Variants in NUCKS1 observed in about 807,000 individuals in gnomAD.
NUCKS1 encodes the protein nuclear ubiquitous casein and cyclin-dependent kinase substrate 1.
Under a neutral mutation model 33.0 loss-of-function variants are expected in NUCKS1, and 2 were observed. That is an observed-to-expected ratio of 0.06 (90% CI 0.02 to 0.19). The LOEUF (loss-of-function observed/expected upper bound fraction) is 0.19, where lower values mean the gene tolerates loss of function less well. Among genes scored for constraint, NUCKS1 ranks in the 10% least tolerant of loss-of-function variants. The probability of loss-of-function intolerance (pLI) is 1.00; values close to 1 mark genes in which losing one functional copy is unlikely to be tolerated. For missense variants in NUCKS1, 201 were observed against 293.6 expected (o/e 0.68, Z 2.31); for synonymous variants, 106 against 102.8 (o/e 1.03, Z -0.19).
intron 1 of NUCKS1, among the ~76,000 whole-genome samples, chr1:205,741,514 G>A (rs374062600): frequency 6.6e-6 from 1 of 152,076 alleles, no homozygotes; most frequent in African/African-American, 2.4e-5. Flanking sequence ...AGAGTCCCAT[G>A]GTCTTGGAAA....
intron 1 of NUCKS1, among the ~76,000 whole-genome samples, chr1:205,743,230 T>G (rs139138866): frequency 1.4e-3 from 211 of 152,346 alleles, no homozygotes; most frequent in African/African-American, 4.9e-3. Flanking sequence ...ATTAGCTTTC[T>G]TTCTTAACTA....
At chr1:205,748,019 C>T (rs1170888161) in intron 1 of NUCKS1, among the ~76,000 whole-genome samples, 2 of 149,664 alleles carry the variant, frequency 1.3e-5, no homozygotes, top group Non-Finnish European at 3.0e-5. Context: ...CAGCCCACAA[C>T]ATATTAACTT....
chr1:205,725,589 A>G (rs1328281970), intron 3 of NUCKS1, among the ~76,000 whole-genome samples: 1 of 152,226 alleles, frequency 6.6e-6, no homozygotes, highest in African/African-American at 2.4e-5. Context: ...CAGCTCTTTT[A>G]TCGAGTTTAT....
chr1:205,745,126 T>C (rs900470304), intron 1 of NUCKS1, among the ~76,000 whole-genome samples: 2 of 152,250 alleles, frequency 1.3e-5, no homozygotes, highest in African/African-American at 2.4e-5. Context: ...AATCAAATAC[T>C]GTATATACAA....
At chr1:205,733,998 T>G (rs1653977597) in intron 1 of NUCKS1, among the ~76,000 whole-genome samples, 1 of 152,086 alleles carries the variant, frequency 6.6e-6, no homozygotes, top group Admixed American at 6.6e-5. Flanking sequence ...CCTTAGCTTG[T>G]GGAACTACAG....
chr1:205,740,018 T>TTTTTTG (rs1553252840), intron 1 of NUCKS1, among the ~76,000 whole-genome samples: 1 of 146,198 alleles, frequency 6.8e-6, no homozygotes, highest in African/African-American at 2.5e-5. Flanking sequence ...TTTTTTTTTT[T>TTTTTTG]GAGAGACAGT....
intron 1 of NUCKS1, among the ~76,000 whole-genome samples, chr1:205,745,407 T>A (rs2102450009): frequency 6.6e-6 from 1 of 152,226 alleles, no homozygotes; most frequent in South Asian, 2.1e-4. Context: ...GAGGATCACC[T>A]GAGCCTGAAA....
chr1:205,742,088 C>T (rs956801986), intron 1 of NUCKS1, among the ~76,000 whole-genome samples: 2 of 152,190 alleles, frequency 1.3e-5, no homozygotes, highest in African/African-American at 4.8e-5. Flanking sequence ...TATGTTATCC[C>T]AGTGTAAGAG....
At chr1:205,721,924 T>C (rs1671925269) in intron 4 of NUCKS1, among the ~76,000 whole-genome samples, 1 of 152,148 alleles carries the variant, frequency 6.6e-6, no homozygotes, top group Admixed American at 6.5e-5. Flanking sequence ...TCCACCCTCC[T>C]TGGCCTCCCA....
chr1:205,719,782 AAC>A, intron 5 of NUCKS1, 106 bp from the exon 6 acceptor site: 2 of 1,213,902 alleles, frequency 1.6e-6, no homozygotes, highest in Non-Finnish European at 2.3e-6. Flanking sequence ...TTGGGAGTCA[AAC>A]ACCCTTGGAT....
At chr1:205,746,486 C>G (rs1272659427) in intron 1 of NUCKS1, among the ~76,000 whole-genome samples, 1 of 124,244 alleles carries the variant, frequency 8.0e-6, no homozygotes, top group Non-Finnish European at 1.9e-5. Context: ...CACACACACA[C>G]ACTAGAGAAT....
intron 1 of NUCKS1, among the ~76,000 whole-genome samples, chr1:205,735,253 T>A (rs1458955439): frequency 6.6e-6 from 1 of 152,236 alleles, no homozygotes; most frequent in Non-Finnish European, 1.5e-5. Flanking sequence ...TATGTTTAGA[T>A]ATATAAATAC....
intron 1 of NUCKS1, among the ~76,000 whole-genome samples, chr1:205,739,765 A>AT (rs534193180): frequency 4.8e-4 from 73 of 151,808 alleles, no homozygotes; most frequent in African/African-American, 1.7e-3. Flanking sequence ...GATTTTGTTT[A>AT]TTTTTTGTAG....
rs776865928 is a variant in NUCKS1, at chr1:205,749,941, C to CA, written c.17+15dup. On this transcript the variant is annotated intron_variant, in intron 1 of 6. Coordinates refer to ENST00000367142, the MANE Select transcript of NUCKS1 (RefSeq NM_022731.5). ...TCCCCCTCCAACCCGCTCCAGGCCT[C>CA]AGACTCCGCACTGACCTGACAGGCC... 1 of 1,609,856 alleles carries CA rather than the reference C, an allele frequency of 6.2e-7. No individual in the cohort carries two copies. The highest frequency in any genetic ancestry group is 2.2e-5 in the East Asian group (1 of 44,618).
intron 3 of NUCKS1, among the ~76,000 whole-genome samples, chr1:205,726,399 T>C (rs1252750315): frequency 6.6e-6 from 1 of 152,184 alleles, no homozygotes; most frequent in African/African-American, 2.4e-5. Flanking sequence ...CAAGAAGCTC[T>C]AGAAGACTTG....
rs150692784 is a variant in NUCKS1, at chr1:205,725,485, C to G, written c.174-1504G>C. ...CCTGAGTCCAAGACACTTTATAATT[C>G]TGAAACCTGTGACTGTTCTGTATAA... On this transcript the variant is annotated intron_variant, in intron 3 of 6. Transcript: ENST00000367142. Among the ~76,000 whole-genome samples the G allele has an allele frequency of 3.9e-3, 597 of 152,306 alleles. 2 individuals are homozygous for G. Among genetic ancestry groups the G allele is most frequent in the African/African-American group, 0.014 (562 of 41,568 alleles).
intron 6 of NUCKS1, among the ~76,000 whole-genome samples, chr1:205,718,891 A>G (rs1017358229): frequency 1.3e-5 from 2 of 152,234 alleles, no homozygotes; most frequent in African/African-American, 4.8e-5. Context: ...AAGCCATCAA[A>G]TAACATTTGA....
At chr1:205,722,401 C>A (rs1477492812) in intron 4 of NUCKS1, among the ~76,000 whole-genome samples, 2 of 152,200 alleles carry the variant, frequency 1.3e-5, no homozygotes, top group African/African-American at 4.8e-5. Context: ...GGATTACAGG[C>A]ACCCACCACC....
At chr1:205,735,948 CTT>C (rs545520127) in intron 1 of NUCKS1, among the ~76,000 whole-genome samples, 3 of 145,638 alleles carry the variant, frequency 2.1e-5, no homozygotes, top group African/African-American at 2.5e-5. Context: ...CAAAATATCT[CTT>C]TTTTTTTTTT....
Sources: gnomAD v4.1 joint callset for allele counts (sites outside exome capture counted in the v4.1 genomes callset) on GRCh38, gnomAD v4.1.1 for gene constraint, MANE v1.5 for transcripts, NCBI Gene and HGNC (gene_info 2026-07-23, HGNC 2026-07-21) for gene names.